The following FBXO4 variants were observed in gnomAD, a reference collection of about 807,000 sequenced individuals.
FBXO4 encodes F-box protein 4, also known as F-box only protein 4.
FBXO4 carries 36 observed loss-of-function variants against 43.7 expected under a neutral mutation model. The ratio of observed to expected loss-of-function variants is 0.82; its 90% CI spans 0.63 to 1.09. The LOEUF (loss-of-function observed/expected upper bound fraction) is 1.09. Among genes scored for constraint, FBXO4 ranks in the 50% least tolerant of loss-of-function variants. The pLI, the probability that FBXO4 is intolerant of heterozygous loss-of-function variation, is 0.00. For missense variants in FBXO4, 435 were observed against 474.1 expected (o/e 0.92, Z 0.77); for synonymous variants, 180 against 165.6 (o/e 1.09, Z -0.67).
chr5:42,001,095 T>C, the FBXO4 span, among the ~76,000 whole-genome samples: 1 of 152,236 alleles, frequency 6.6e-6, no homozygotes, highest in Non-Finnish European at 1.5e-5. Context: ...AGGATTATTT[T>C]TGTGTTTCTG....
At chr5:41,940,728 T>A (rs1561172889) in intron 6 of FBXO4, among the ~76,000 whole-genome samples, 1 of 152,186 alleles carries the variant, frequency 6.6e-6, no homozygotes, top group Non-Finnish European at 1.5e-5. Context: ...CAAAGACTCT[T>A]TGGAATGAAG....
At position 41,931,970 on chromosome 5, in the gene FBXO4, C is replaced by T. The variant is rs1030185419; in HGVS notation, c.647-1976C>T. Among the ~76,000 whole-genome samples, 99 of 152,160 alleles carry T rather than the reference C, an allele frequency of 6.5e-4. 4 individuals carry two copies. Among genetic ancestry groups the T allele is most frequent in the Admixed American group, 6.5e-3 (99 of 15,266 alleles). ...AGTTAAGAGAACATGAATCCCACCT[C>T]TTTACCTTGAGTTTTGAGAAAATAA... On this transcript the variant is annotated intron_variant, in intron 3 of 6. Transcript: ENST00000281623.
chr5:41,949,360 T>C, the FBXO4 span, among the ~76,000 whole-genome samples: 46 of 152,218 alleles, frequency 3.0e-4, no homozygotes, highest in African/African-American at 1.1e-3. Context: ...GATAAGCAAC[T>C]TCAGCAAAGT....
the FBXO4 span, among the ~76,000 whole-genome samples, chr5:42,020,465 G>T: frequency 6.6e-6 from 1 of 152,170 alleles, no homozygotes; most frequent in East Asian, 1.9e-4. Flanking sequence ...TGTGAGTGTT[G>T]TATCACTTAG....
chr5:42,001,468 G>A, the FBXO4 span, among the ~76,000 whole-genome samples: 1 of 152,158 alleles, frequency 6.6e-6, no homozygotes, highest in Non-Finnish European at 1.5e-5. Context: ...TTGACCTGAA[G>A]TGATCCACCC....
the FBXO4 span, among the ~76,000 whole-genome samples, chr5:41,986,026 G>T: frequency 6.6e-6 from 1 of 152,040 alleles, no homozygotes; most frequent in Non-Finnish European, 1.5e-5. Context: ...AGAGTGAAAG[G>T]TTAGACATTT....
intron 5 of FBXO4, among the ~76,000 whole-genome samples, chr5:41,936,640 T>TA (rs1339861430): frequency 4.6e-5 from 7 of 152,086 alleles, no homozygotes; most frequent in African/African-American, 1.7e-4. Context: ...TTTGAAAAAG[T>TA]AAAACAAGCA....
the FBXO4 span, among the ~76,000 whole-genome samples, chr5:41,987,822 A>G: frequency 2.0e-5 from 3 of 152,118 alleles, no homozygotes; most frequent in Non-Finnish European, 4.4e-5. Flanking sequence ...TCAGCATTTC[A>G]TTTTGGTTCT....
chr5:41,944,778 TGCTCTTTTA>T (rs969370557), downstream of FBXO4, among the ~76,000 whole-genome samples: 74 of 152,326 alleles, frequency 4.9e-4, no homozygotes, highest in African/African-American at 1.7e-3. Context: ...TTCAGCAACT[TGCTCTTTTA>T]GCTAAGGTTA....
In FBXO4 at chr5:41,925,440, C is replaced by T. The variant is rs1412924865; in HGVS notation, c.131C>T (p.Ala44Val). 1.5e-6 allele frequency: 2 copies of T among 1,364,404 alleles called. No homozygotes were observed. Among genetic ancestry groups the T allele is most frequent in the African/African-American group, 1.5e-5 (1 of 65,422 alleles). 84.5% of individuals were successfully genotyped at this position (1,364,404 alleles called of 1,614,324 possible). Residue 44 changes from alanine to valine, a missense_variant, in exon 1 of 7, where the codon GCG becomes GTG. Physicochemically the swap from Ala to Val is moderately conservative, Grantham distance 64 (BLOSUM62 0). Coordinates refer to ENST00000281623, the MANE Select transcript of FBXO4 (RefSeq NM_012176.3). ...FWQSVSKERVARTTSREEVDE... is the reference protein window; with the variant it reads ...FWQSVSKERVVRTTSREEVDE... ...CAGTCAGTGAGCAAGGAGAGGGTGG[C>T]GCGTACGACCTCACGGGAGGAGGTG...
the FBXO4 span, among the ~76,000 whole-genome samples, chr5:42,032,217 G>T: frequency 1.3e-5 from 2 of 152,166 alleles, no homozygotes; most frequent in Admixed American, 6.5e-5. Flanking sequence ...CCCAAGGCCT[G>T]CAGTGACGGC....
intron 5 of FBXO4, chr5:41,934,928 A>G (rs2112580482): frequency 1.0e-6 from 1 of 972,796 alleles, no homozygotes; most frequent in East Asian, 1.1e-4. Flanking sequence ...GGTAGAATAT[A>G]AATACATAAT....
At chr5:41,937,063 G>A (rs1751869723) in intron 5 of FBXO4, among the ~76,000 whole-genome samples, 1 of 152,034 alleles carries the variant, frequency 6.6e-6, no homozygotes, top group South Asian at 2.1e-4. Context: ...ATCTGTAATT[G>A]GAGTCCCAAA....
intron 5 of FBXO4, among the ~76,000 whole-genome samples, chr5:41,935,694 C>T (rs1490727876): frequency 2.0e-5 from 3 of 152,236 alleles, no homozygotes; most frequent in Non-Finnish European, 4.4e-5. Flanking sequence ...CAGGGCCTAC[C>T]TAAGGCCTGA....
At chr5:41,953,694 T>C in the FBXO4 span, among the ~76,000 whole-genome samples, 6 of 151,794 alleles carry the variant, frequency 4.0e-5, no homozygotes, top group Non-Finnish European at 8.8e-5. Flanking sequence ...CCATTCTAAC[T>C]GGTGTGAGCT....
the FBXO4 span, among the ~76,000 whole-genome samples, chr5:42,024,311 A>G: frequency 6.6e-6 from 1 of 152,120 alleles, no homozygotes; most frequent in South Asian, 2.1e-4. Flanking sequence ...AAAGGTAATC[A>G]TAATGATAAA....
chr5:41,932,254 G>A (rs1751708230), intron 3 of FBXO4, among the ~76,000 whole-genome samples: 1 of 152,208 alleles, frequency 6.6e-6, no homozygotes, highest in Non-Finnish European at 1.5e-5. Context: ...GAACAGTATG[G>A]CGACTATATT....
At chr5:41,990,664 G>C in the FBXO4 span, among the ~76,000 whole-genome samples, 1 of 152,086 alleles carries the variant, frequency 6.6e-6, no homozygotes, top group Admixed American at 6.5e-5. Context: ...ATTGTAGATA[G>C]TTTTCTATTT....
rs140983681 is a variant in FBXO4 at position 41,926,552 on chromosome 5, G to A, written c.190-461G>A. Among the ~76,000 whole-genome samples the A allele has an allele frequency of 4.9e-3, 749 of 152,304 alleles. 8 individuals carry two copies. The highest frequency in any genetic ancestry group is 0.017 in the African/African-American group (701 of 41,556). ...CTTGCCACTGCACTCCAGCCTGGGC[G>A]ACAGAGCGAGACTGTGTCTCAAAAA... is the stretch of plus-strand genomic sequence containing the variant. On this transcript the variant is annotated intron_variant, in intron 1 of 6. Coordinates refer to ENST00000281623, the MANE Select transcript of FBXO4 (RefSeq NM_012176.3).
Sources: gnomAD v4.1 joint callset for allele counts (sites outside exome capture counted in the v4.1 genomes callset) on GRCh38, gnomAD v4.1.1 for gene constraint, MANE v1.5 for transcripts, NCBI Gene and HGNC (gene_info 2026-07-23, HGNC 2026-07-21) for gene names.